TBC1D22A: variants seen among roughly 807,000 people sequenced by gnomAD.
TBC1D22A encodes putative GTPase activator.
A neutral mutation model predicts 60.2 loss-of-function variants in TBC1D22A; 38 were observed. The ratio of observed to expected loss-of-function variants is 0.63; its 90% confidence interval spans 0.49 to 0.83. TBC1D22A has a LOEUF of 0.83. Ranked by LOEUF, TBC1D22A falls within the 40% of genes least tolerant of loss-of-function variation. TBC1D22A has a pLI of 0.00. For missense variants in TBC1D22A, 628 were observed against 701.0 expected (o/e 0.90, Z 1.18); for synonymous variants, 302 against 281.7 (o/e 1.07, Z -0.72).
intron 5 of TBC1D22A, among the ~76,000 whole-genome samples, chr22:46,886,797 T>C (rs1320384014): frequency 6.6e-6 from 1 of 152,202 alleles, no homozygotes; most frequent in Non-Finnish European, 1.5e-5. Flanking sequence ...CTGTAGGCCA[T>C]GTGGTCTCCT....
At position 46,777,492 on chromosome 22, in the gene TBC1D22A, C is replaced by T. The variant is rs2083753725; in HGVS notation, c.62+14644C>T. On this transcript the variant is annotated intron_variant, in intron 1 of 12. Transcript: ENST00000337137. The surrounding 1 kb of genome is among the most constrained non-coding windows in gnomAD (Gnocchi z 4.5). ...TTGGCAGTGGTTTTGCTTGGAGGCA[C>T]GTGTTTGAGAACCGTTTACTCGGGT... is the stretch of plus-strand genomic sequence containing the variant. 6.6e-6 allele frequency among the ~76,000 whole-genome samples: 1 copy of T among 151,974 alleles called. No individual in the cohort carries two copies. The highest frequency in any genetic ancestry group is 2.1e-4 in the South Asian group (1 of 4,822).
chr22:46,967,644 T>C (rs945521653), intron 8 of TBC1D22A, among the ~76,000 whole-genome samples: 1 of 152,224 alleles, frequency 6.6e-6, no homozygotes, highest in Non-Finnish European at 1.5e-5. Flanking sequence ...TGTCCTGGAA[T>C]TCTTTGAAAT....
Position 46,806,341 on chromosome 22 carries a change from A to ATTT in TBC1D22A, c.637+8736_637+8738dup, listed in dbSNP as rs34490073. ...TTAGAATGAACCCTCCTCTGTTCTG[A>ATTT]TTTTTTTTTTTTTTTTTGCCCGGAA... On this transcript the variant is annotated intron_variant, in intron 4 of 12. Transcript: ENST00000337137. Among the ~76,000 whole-genome samples, 288 of 132,528 alleles carry ATTT rather than the reference A, an allele frequency of 2.2e-3. 3 individuals are homozygous for ATTT. The highest frequency in any genetic ancestry group is 3.3e-3 in the Non-Finnish European group (206 of 63,276). The allele number at this position is 132,528 out of a possible 152,430, so 86.9% of individuals were successfully genotyped here. A position where few individuals can be genotyped will look rare whatever the true frequency, so the allele number is the denominator to read the frequency against.
intron 5 of TBC1D22A, 116 bp downstream of exon 5, chr22:46,878,839 A>G (rs1280036051): frequency 1.1e-6 from 1 of 878,700 alleles, no homozygotes; most frequent in East Asian, 2.5e-5. Flanking sequence ...GCTTTGTTGC[A>G]GTGATAAAGG....
intron 11 of TBC1D22A, among the ~76,000 whole-genome samples, chr22:47,069,960 G>GGTTCCAGA (rs1569416329): frequency 1.8e-5 from 2 of 110,162 alleles, no homozygotes; most frequent in Non-Finnish European, 3.6e-5. Flanking sequence ...CGGTCCCAGC[G>GGTTCCAGA]CTGTCCCCTG....
intron 6 of TBC1D22A, among the ~76,000 whole-genome samples, chr22:46,892,212 C>T (rs563343533): frequency 6.6e-6 from 1 of 151,962 alleles, no homozygotes; most frequent in Non-Finnish European, 1.5e-5. Context: ...TCTGCAAACC[C>T]TGCTTCTAGG....
chr22:47,076,236 A>G (rs962870482), intron 11 of TBC1D22A, among the ~76,000 whole-genome samples: 2 of 151,800 alleles, frequency 1.3e-5, no homozygotes, highest in Admixed American at 6.6e-5. Context: ...ACAGAGAATA[A>G]CGTGAAGCAT....
chr22:46,873,473 A>G (rs2147449072), intron 4 of TBC1D22A, among the ~76,000 whole-genome samples: 1 of 152,342 alleles, frequency 6.6e-6, no homozygotes, highest in Non-Finnish European at 1.5e-5. Context: ...CAATCACTTT[A>G]AAGACCCTTA....
rs541257708 is a variant in TBC1D22A, at chr22:47,144,099, T to G, written c.1426-29399T>G. On this transcript the variant is annotated intron_variant, in intron 12 of 12. Transcript: ENST00000337137. ...TCAGGGGATCCTGTACCTGAAGACA[T>G]GGGAGACAAACCATTCCCAAACACC... Among the ~76,000 whole-genome samples the G allele has an allele frequency of 1.7e-4, 26 of 152,278 alleles. No individual in the cohort carries two copies. In the East Asian group the frequency reaches 5.0e-3, roughly 29 times the overall value.
intron 4 of TBC1D22A, among the ~76,000 whole-genome samples, chr22:46,866,616 A>C (rs555903198): frequency 6.6e-6 from 1 of 152,228 alleles, no homozygotes; most frequent in African/African-American, 2.4e-5. Flanking sequence ...CTGATCATGA[A>C]GCGGTGGAGA....
intron 10 of TBC1D22A, among the ~76,000 whole-genome samples, chr22:47,021,324 A>C (rs1373966870): frequency 7.6e-6 from 1 of 131,094 alleles, no homozygotes; most frequent in Non-Finnish European, 1.6e-5. Flanking sequence ...CCCCACCTGT[A>C]GCCTGGAGCC....
chr22:46,976,709 C>T (rs2074311350), intron 9 of TBC1D22A, among the ~76,000 whole-genome samples: 1 of 152,212 alleles, frequency 6.6e-6, no homozygotes, highest in African/African-American at 2.4e-5. Flanking sequence ...CATCATCGCC[C>T]TGATTGAAAC....
chr22:46,990,644 G>T lies in TBC1D22A; in HGVS notation c.1126-6990G>T, dbSNP rs1214637308. Among the ~76,000 whole-genome samples, 1 of 151,786 alleles carries T rather than the reference G, an allele frequency of 6.6e-6. No individual in the cohort carries two copies. Among genetic ancestry groups the T allele is most frequent in the African/African-American group, 2.4e-5 (1 of 41,328 alleles). On this transcript the variant is annotated intron_variant, in intron 9 of 12. Transcript: ENST00000337137. This position sits in a 1 kb window ranked among gnomAD's most constrained non-coding sequence, Gnocchi z 4.6. ...CCTGCCCTGAACACCCTCGTGCCCC[G>T]CCTGTTCATCCCCTTCCACCCAACC... is the stretch of plus-strand genomic sequence containing the variant.
intron 12 of TBC1D22A, among the ~76,000 whole-genome samples, chr22:47,151,286 G>A (rs1211648862): frequency 2.0e-5 from 3 of 152,192 alleles, no homozygotes; most frequent in African/African-American, 7.2e-5. Flanking sequence ...CCCGGGTGAG[G>A]CAGGCCAGCG....
At chr22:46,854,707 A>G (rs2087478242) in intron 4 of TBC1D22A, among the ~76,000 whole-genome samples, 1 of 152,140 alleles carries the variant, frequency 6.6e-6, no homozygotes, top group East Asian at 1.9e-4. Context: ...GATGCATTCC[A>G]GGTCCTGGCA....
chr22:47,078,185 C>CATACTT (rs2064307500), intron 11 of TBC1D22A, among the ~76,000 whole-genome samples: 1 of 152,188 alleles, frequency 6.6e-6, no homozygotes, highest in Non-Finnish European at 1.5e-5. Context: ...CAGGCTATCA[C>CATACTT]TTGGTAAAAG....
chr22:46,982,778 G>A (rs1479915116), intron 9 of TBC1D22A, among the ~76,000 whole-genome samples: 4 of 152,308 alleles, frequency 2.6e-5, no homozygotes, highest in East Asian at 1.9e-4. Flanking sequence ...GGTGGTGGCG[G>A]GACAGGCATT....
At position 46,837,756 on chromosome 22, in the gene TBC1D22A, G is replaced by C. The variant is rs187192641; in HGVS notation, c.637+40136G>C. 7.9e-5 allele frequency among the ~76,000 whole-genome samples: 12 copies of C among 152,312 alleles called. 1 individual carries two copies. The South Asian group carries it at 2.5e-3, about 32-fold the overall frequency. On this transcript the variant is annotated intron_variant, in intron 4 of 12. Transcript: ENST00000337137. ...TTAAGAGGAAAGTTTATAGTGATAA[G>C]TGCCTTGTTAAGAAAAAAGATTGCA...
At chr22:47,045,330 A>G (rs1374834290) in intron 11 of TBC1D22A, among the ~76,000 whole-genome samples, 1 of 152,136 alleles carries the variant, frequency 6.6e-6, no homozygotes, top group African/African-American at 2.4e-5. Context: ...TGGAAGTCCC[A>G]TTAATGCGAC....
Sources: allele counts gnomAD v4.1 joint callset (sites outside exome capture counted in the v4.1 genomes callset), GRCh38; gene constraint gnomAD v4.1.1; non-coding constraint Gnocchi (gnomAD v3.1); transcripts MANE v1.5; gene names NCBI Gene and HGNC (gene_info 2026-07-23, HGNC 2026-07-21).